Variants in FCHO2 observed in about 807,000 individuals in gnomAD.
FCHO2 encodes the protein F-BAR domain only protein 2.
FCHO2 carries 43 observed loss-of-function variants against 114.1 expected under a neutral mutation model. The ratio of observed to expected loss-of-function variants is 0.38; its 90% CI spans 0.30 to 0.49. The LOEUF (loss-of-function observed/expected upper bound fraction) is 0.49, where lower values mean the gene tolerates loss of function less well. FCHO2 is among the 20% of genes least tolerant of loss of function. The pLI is 0.97. For synonymous variants in FCHO2, 293 were observed against 315.2 expected (o/e 0.93, Z 0.75); for missense variants, 807 against 950.4 (o/e 0.85, Z 1.98).
intron 11 of FCHO2, among the ~76,000 whole-genome samples, chr5:73,048,244 G>T (rs1160754500): frequency 4.6e-5 from 7 of 151,954 alleles, no homozygotes; most frequent in Non-Finnish European, 7.4e-5. Context: ...GAGGCCAGGA[G>T]TTCGAGACCA....
At chr5:73,002,241 T>G (rs1754485716) in intron 5 of FCHO2, among the ~76,000 whole-genome samples, 1 of 152,170 alleles carries the variant, frequency 6.6e-6, no homozygotes, top group Non-Finnish European at 1.5e-5. Flanking sequence ...CTTGACTCAG[T>G]AGAGATTTGA....
Position 73,089,022 on chromosome 5 carries a change from G to C in FCHO2, c.*932G>C, listed in dbSNP as rs1002234619. On this transcript the variant is annotated 3_prime_UTR_variant, in exon 26 of 26. Transcript: ENST00000430046. ...ATTTTTGGCCTGCAACTGGGAAGGG[G>C]ATTCAGAGTCATAAAGCCTAACTTA... The C allele has an allele frequency of 6.6e-6, 1 of 152,468 alleles. No homozygotes were observed. The highest frequency in any genetic ancestry group is 2.4e-5 in the African/African-American group (1 of 41,400). The allele number at this position is 152,468 out of a possible 1,614,324, so 9.4% of individuals were successfully genotyped here.
intron 8 of FCHO2, among the ~76,000 whole-genome samples, chr5:73,018,305 A>G: frequency 6.6e-6 from 1 of 152,270 alleles, no homozygotes; most frequent in East Asian, 1.9e-4. Flanking sequence ...CTGCCTAATT[A>G]ATTTGCAGAT....
intron 24 of FCHO2, among the ~76,000 whole-genome samples, chr5:73,086,799 A>T (rs1249037574): frequency 1.3e-5 from 2 of 152,140 alleles, no homozygotes; most frequent in Non-Finnish European, 2.9e-5. Flanking sequence ...CTCTAGTCTC[A>T]TCTGCCACTC....
At chr5:73,013,655 C>T (rs948479217) in intron 6 of FCHO2, among the ~76,000 whole-genome samples, 1 of 152,120 alleles carries the variant, frequency 6.6e-6, no homozygotes, top group South Asian at 2.1e-4. Flanking sequence ...GTCATTATTT[C>T]AGTATTTCTC....
chr5:73,060,347 G>A (rs941276870), intron 17 of FCHO2, among the ~76,000 whole-genome samples: 1 of 151,928 alleles, frequency 6.6e-6, no homozygotes, highest in Admixed American at 6.6e-5. Flanking sequence ...GCTCAAAAGA[G>A]ATAGTTATCT....
chr5:72,960,285 CCTTTA>C (rs1370981623), intron 1 of FCHO2, among the ~76,000 whole-genome samples: 3 of 146,424 alleles, frequency 2.0e-5, no homozygotes, highest in African/African-American at 7.5e-5. Flanking sequence ...ATTGAAAATT[CCTTTA>C]CTTAATACTG....
intron 6 of FCHO2, among the ~76,000 whole-genome samples, chr5:73,013,930 G>A (rs1755157870): frequency 6.6e-6 from 1 of 152,060 alleles, no homozygotes; most frequent in Admixed American, 6.6e-5. Flanking sequence ...ATGATCAGCT[G>A]GCCTCGGCCT....
chr5:73,021,932 T>TC (rs746002427), intron 8 of FCHO2, among the ~76,000 whole-genome samples: 10 of 152,192 alleles, frequency 6.6e-5, no homozygotes, highest in Non-Finnish European at 1.5e-4. Flanking sequence ...TAGGCACACT[T>TC]TGATTTTCAG....
In FCHO2 at chr5:72,959,739, CTGTCT is replaced by C. The variant is rs202044097; in HGVS notation, c.33+3622_33+3626del. ...AGTGAGAACCTTTGATGTTTTAGGT[CTGTCT>C]TGTCTTGTCTTCTCTTCTCTCTCTT... On this transcript the variant is annotated intron_variant, in intron 1 of 25. Transcript: ENST00000430046. Among the ~76,000 whole-genome samples, 309 of 151,346 alleles carry C rather than the reference CTGTCT, an allele frequency of 2.0e-3. 3 individuals are homozygous for C. The highest frequency in any genetic ancestry group is 7.1e-3 in the African/African-American group (291 of 41,190).
chr5:73,052,036 G>A (rs1057217584), intron 12 of FCHO2, among the ~76,000 whole-genome samples: 3 of 152,046 alleles, frequency 2.0e-5, no homozygotes, highest in African/African-American at 7.3e-5. Flanking sequence ...TGATTCTCAT[G>A]CCTCAGCCTC....
chr5:72,976,223 A>T (rs958217966), intron 2 of FCHO2, among the ~76,000 whole-genome samples: 2 of 152,104 alleles, frequency 1.3e-5, no homozygotes, highest in Non-Finnish European at 2.9e-5. Context: ...TCCTGATGAC[A>T]TATGATGTGG....
At chr5:72,969,382 T>C (rs891018918) in intron 2 of FCHO2, among the ~76,000 whole-genome samples, 2 of 152,194 alleles carry the variant, frequency 1.3e-5, no homozygotes, top group African/African-American at 2.4e-5. Context: ...TGATAGGAAT[T>C]GGGGAATAAA....
At chr5:73,058,681 TC>T (rs1206455453) in intron 17 of FCHO2, among the ~76,000 whole-genome samples, 157 bp downstream of exon 17, 10 of 152,170 alleles carry the variant, frequency 6.6e-5, no homozygotes, top group Non-Finnish European at 1.0e-4. Flanking sequence ...GGTTTTGTTC[TC>T]TTAGATACTC....
In FCHO2 at chr5:73,044,815, G is replaced by C. The variant is rs1216256667; in HGVS notation, c.939+3500G>C. Among the ~76,000 whole-genome samples, 2 of 152,106 alleles carry C rather than the reference G, an allele frequency of 1.3e-5. 1 individual carries two copies. Among genetic ancestry groups the C allele is most frequent in the South Asian group, 4.1e-4 (2 of 4,820 alleles). ...AATTGCCACCACTACTTTAGCCAGA[G>C]TAAACAACTGCCTTTAAGATTGATG... On this transcript the variant is annotated intron_variant, in intron 11 of 25. Transcript: ENST00000430046.
At chr5:73,082,603 T>C (rs1743155958) in intron 23 of FCHO2, among the ~76,000 whole-genome samples, 158 bp from the exon 24 acceptor site, 1 of 152,248 alleles carries the variant, frequency 6.6e-6, no homozygotes, top group Non-Finnish European at 1.5e-5. Flanking sequence ...ATGTTTATAC[T>C]ATATCATAAA....
chr5:73,058,745 C>T (rs1305648255), intron 17 of FCHO2, among the ~76,000 whole-genome samples: 3 of 152,060 alleles, frequency 2.0e-5, no homozygotes, highest in Admixed American at 6.6e-5. Flanking sequence ...TTTAAATTGG[C>T]ATGTTATTTC....
intron 5 of FCHO2, among the ~76,000 whole-genome samples, chr5:73,004,047 C>CAA (rs34849736): frequency 0.011 from 301 of 26,394 alleles, 8 homozygotes; most frequent in African/African-American, 0.037. Context: ...GACTCCATCT[C>CAA]AAAAAAAAAA....
Position 73,048,151 on chromosome 5 carries a change from T to C in FCHO2, c.940-3198T>C, listed in dbSNP as rs542274866. Among the ~76,000 whole-genome samples the C allele has an allele frequency of 2.0e-5, 3 of 152,104 alleles. No individual in the cohort carries two copies. In the South Asian group the frequency reaches 6.2e-4, roughly 32 times the overall value. On this transcript the variant is annotated intron_variant, in intron 11 of 25. Transcript: ENST00000430046. ...GCTACCACAATCAGCTTATTTTTTA[T>C]TTTTTTTAAATATTTTTGCCGGGCA... is the stretch of plus-strand genomic sequence containing the variant.
Sources: gnomAD v4.1 joint callset for allele counts (sites outside exome capture counted in the v4.1 genomes callset) on GRCh38, gnomAD v4.1.1 for gene constraint, MANE v1.5 for transcripts, NCBI Gene and HGNC (gene_info 2026-07-23, HGNC 2026-07-21) for gene names.